The following DLG2 variants were observed in gnomAD, a reference collection of about 807,000 sequenced individuals.
DLG2 encodes the protein disks large homolog 2.
DLG2 carries 45 observed loss-of-function variants against 132.5 expected under a neutral mutation model. The observed-to-expected ratio is 0.34, with a 90% CI of 0.27 to 0.44. The LOEUF (loss-of-function observed/expected upper bound fraction) is 0.44. Ranked by LOEUF, DLG2 falls within the 20% of genes least tolerant of loss-of-function variation. The probability of loss-of-function intolerance (pLI) is 1.00; values close to 1 mark genes in which losing one functional copy is unlikely to be tolerated. For synonymous variants in DLG2, 424 were observed against 419.6 expected (o/e 1.01, Z -0.13); for missense variants, 1,045 against 1,196.9 (o/e 0.87, Z 1.87).
intron 9 of DLG2, 39 bp downstream of exon 9, chr11:84,163,422 C>A: frequency 6.5e-7 from 1 of 1,544,438 alleles, no homozygotes; most frequent in East Asian, 2.3e-5. Flanking sequence ...ATGTGAAATG[C>A]AAGATTGGGG....
At chr11:85,440,544 G>C (rs2091727110) in intron 3 of DLG2, among the ~76,000 whole-genome samples, 1 of 152,102 alleles carries the variant, frequency 6.6e-6, no homozygotes. Context: ...CAGAAGCTTT[G>C]CACCAAAGTA....
intron 7 of DLG2, among the ~76,000 whole-genome samples, chr11:84,342,403 T>C (rs1326446998): frequency 6.6e-6 from 1 of 152,266 alleles, no homozygotes; most frequent in Admixed American, 6.5e-5. Flanking sequence ...TTTTAAACTA[T>C]TGCCATTTAT....
intron 7 of DLG2, among the ~76,000 whole-genome samples, chr11:84,425,985 G>C (rs1247236735): frequency 1.3e-5 from 2 of 152,054 alleles, no homozygotes; most frequent in African/African-American, 4.8e-5. Flanking sequence ...TTTAATGGAA[G>C]CAGGGCACTG....
At chr11:83,566,739 G>GTGTA in intron 19 of DLG2, among the ~76,000 whole-genome samples, 1 of 150,606 alleles carries the variant, frequency 6.6e-6, no homozygotes, top group South Asian at 2.1e-4. Context: ...GTGTGTGTGT[G>GTGTA]TGTGTGTGTG....
intron 8 of DLG2, among the ~76,000 whole-genome samples, chr11:84,166,042 C>T (rs116234429): frequency 2.0e-4 from 31 of 152,232 alleles, no homozygotes; most frequent in African/African-American, 6.5e-4. Flanking sequence ...ATTTAGAGCA[C>T]GGAATCACAG....
chr11:84,591,177 C>T (rs937397126), intron 6 of DLG2, among the ~76,000 whole-genome samples: 2 of 150,364 alleles, frequency 1.3e-5, no homozygotes, highest in Non-Finnish European at 3.0e-5. Context: ...ATACTCCTGC[C>T]CCCACCCTAA....
intron 7 of DLG2, among the ~76,000 whole-genome samples, chr11:84,365,870 C>A (rs1044438260): frequency 1.3e-5 from 2 of 151,944 alleles, no homozygotes; most frequent in African/African-American, 4.8e-5. Context: ...GAGAATGGAA[C>A]CAAGTTGGAA....
chr11:83,459,327 CCTTT>C lies in DLG2; in HGVS notation c.*487_*490del, dbSNP rs2089462695. On this transcript the variant is annotated 3_prime_UTR_variant, in exon 28 of 28. Coordinates refer to ENST00000376104, the MANE Select transcript of DLG2 (RefSeq NM_001142699.3). The stretch of plus-strand genomic sequence containing the variant: ...ATAGTATGTCATCTCCAAAGGGATT[CCTTT>C]CTTTTTTCCTTCTTTCTTTCATTTG... 6.5e-6 allele frequency: 1 copy of C among 152,880 alleles called. No individual in the cohort carries two copies. The highest frequency in any genetic ancestry group is 2.4e-5 in the African/African-American group (1 of 41,458). The allele number at this position is 152,880 out of a possible 1,614,324, so 9.5% of individuals were successfully genotyped here. A position where few individuals can be genotyped will look rare whatever the true frequency, so the allele number is the denominator to read the frequency against.
intron 7 of DLG2, among the ~76,000 whole-genome samples, chr11:84,333,467 G>T (rs1279647504): frequency 1.3e-5 from 2 of 152,172 alleles, no homozygotes; most frequent in Non-Finnish European, 2.9e-5. Context: ...GCTTCTACTG[G>T]ATCAGAAAAG....
chr11:85,269,490 G>A (rs1013513052), intron 4 of DLG2, among the ~76,000 whole-genome samples: 3 of 152,200 alleles, frequency 2.0e-5, no homozygotes, highest in South Asian at 2.1e-4. Flanking sequence ...AGTAAAGATT[G>A]TAGAGTCAGA....
intron 19 of DLG2, among the ~76,000 whole-genome samples, chr11:83,605,582 G>A (rs1169604021): frequency 6.6e-6 from 1 of 152,168 alleles, no homozygotes; most frequent in Admixed American, 6.5e-5. Flanking sequence ...GAACCCTATG[G>A]GATAAGAACT....
chr11:83,624,051 T>C (rs1357459293), intron 19 of DLG2, among the ~76,000 whole-genome samples: 1 of 152,226 alleles, frequency 6.6e-6, no homozygotes, highest in Non-Finnish European at 1.5e-5. Context: ...GTAAGCAGAA[T>C]CTAGGTTGTA....
At chr11:83,518,452 T>C (rs2095370008) in intron 21 of DLG2, among the ~76,000 whole-genome samples, 3 of 152,242 alleles carry the variant, frequency 2.0e-5, no homozygotes, top group Admixed American at 6.5e-5. Flanking sequence ...GGGAATTCCC[T>C]GACCTCTTGT....
intron 3 of DLG2, among the ~76,000 whole-genome samples, chr11:85,420,377 C>A (rs1177936978): frequency 2.6e-5 from 4 of 152,174 alleles, no homozygotes; most frequent in Non-Finnish European, 4.4e-5. Flanking sequence ...TAGACTCCTG[C>A]TGGGAGGTGT....
chr11:85,165,163 CCTGT>C (rs1165139882), intron 4 of DLG2, among the ~76,000 whole-genome samples: 2 of 152,112 alleles, frequency 1.3e-5, no homozygotes, highest in Non-Finnish European at 2.9e-5. Context: ...AAAATTAATG[CCTGT>C]CTAACAAGTG....
intron 18 of DLG2, among the ~76,000 whole-genome samples, chr11:83,649,754 T>C (rs1001691969): frequency 5.9e-5 from 9 of 151,994 alleles, no homozygotes; most frequent in African/African-American, 2.2e-4. Flanking sequence ...TAACAGGAGA[T>C]TGGAGGGTAG....
At chr11:83,855,197 T>C (rs565188059) in intron 16 of DLG2, among the ~76,000 whole-genome samples, 2 of 152,322 alleles carry the variant, frequency 1.3e-5, no homozygotes, top group East Asian at 3.9e-4. Context: ...GATGTGTACC[T>C]GCACTTATTC....
At chr11:84,352,143 A>G (rs2098579126) in intron 7 of DLG2, among the ~76,000 whole-genome samples, 1 of 152,168 alleles carries the variant, frequency 6.6e-6, no homozygotes, top group Non-Finnish European at 1.5e-5. Context: ...CCAAAAGAAG[A>G]CCTTCTCCCG....
chr11:83,472,705 G>T, intron 23 of DLG2, 22 bp downstream of exon 23: 1 of 1,608,516 alleles, frequency 6.2e-7, no homozygotes, highest in Non-Finnish European at 8.5e-7. Flanking sequence ...AATTAGGAAT[G>T]AAAGCGTGCT....
Sources: gnomAD v4.1 joint callset for allele counts (sites outside exome capture counted in the v4.1 genomes callset) on GRCh38, gnomAD v4.1.1 for gene constraint, MANE v1.5 for transcripts, NCBI Gene and HGNC (gene_info 2026-07-23, HGNC 2026-07-21) for gene names.